TRIM37: variants seen among roughly 807,000 people sequenced by gnomAD.
TRIM37 encodes the protein E3 ubiquitin-protein ligase TRIM37.
A neutral mutation model predicts 129.8 loss-of-function variants in TRIM37; 80 were observed. That is an observed-to-expected ratio of 0.62 (90% CI 0.51 to 0.74). The LOEUF (loss-of-function observed/expected upper bound fraction) is 0.74, where lower values mean the gene tolerates loss of function less well. Ranked by LOEUF, TRIM37 falls within the 30% of genes least tolerant of loss-of-function variation. The probability of loss-of-function intolerance (pLI) is 0.00; values close to 1 mark genes in which losing one functional copy is unlikely to be tolerated. For missense variants in TRIM37, 1,054 were observed against 1,176.5 expected, an observed-to-expected ratio of 0.90 and a Z score of 1.52; for synonymous variants, 389 against 387.1, an observed-to-expected ratio of 1.00 and a Z score of -0.06.
chr17:59,057,072 A>G lies in TRIM37; in HGVS notation c.1020-18T>C, dbSNP rs1406529465. On this transcript the variant is annotated intron_variant, in intron 12 of 23. Coordinates refer to ENST00000262294, the MANE Select transcript of TRIM37 (RefSeq NM_015294.6). ...ATTCATATCTAAAATTGAAAAACAG[A>G]CCATTACTATACAGTTAGTAAAGTA... 1 of 1,609,454 alleles carries G rather than the reference A, an allele frequency of 6.2e-7. No individual in the cohort carries two copies. The highest frequency in any genetic ancestry group is 1.3e-5 in the African/African-American group (1 of 74,974).
intron 22 of TRIM37, among the ~76,000 whole-genome samples, chr17:59,005,293 T>G (rs2034334395): frequency 6.6e-6 from 1 of 151,490 alleles, no homozygotes; most frequent in African/African-American, 2.4e-5. Flanking sequence ...ATGTGTATCT[T>G]TTTTTTTTGA....
chr17:59,056,762 A>G, intron 13 of TRIM37, 113 bp downstream of exon 13: 1 of 467,556 alleles, frequency 2.1e-6, no homozygotes, highest in Non-Finnish European at 4.1e-6. Context: ...ATAAGGTTAT[A>G]GTTAGTATGA....
At chr17:59,057,129 G>C (rs1200999615) in intron 12 of TRIM37, 75 bp from the exon 13 acceptor site, 5 of 1,301,472 alleles carry the variant, frequency 3.8e-6, no homozygotes, top group Non-Finnish European at 5.5e-6. Context: ...TAAACATTAA[G>C]GTCACTAAGT....
In TRIM37 at chr17:59,051,200, A is replaced by T. The variant is rs370807685; in HGVS notation, c.1314+14T>A. The T allele has an allele frequency of 5.7e-5, 87 of 1,517,174 alleles. No homozygotes were observed. In the African/African-American group the frequency reaches 1.1e-3, roughly 18 times the overall value. 94.0% of individuals were successfully genotyped at this position (1,517,174 alleles called of 1,614,324 possible). On this transcript the variant is annotated intron_variant, in intron 14 of 23. Coordinates refer to ENST00000262294, the MANE Select transcript of TRIM37 (RefSeq NM_015294.6). ...CAATAGGAAACACCAAAACAGAAAT[A>T]GATATTTTCTTACCTCTTTAAGGTT...
In TRIM37 at chr17:58,999,532, T is replaced by A. The variant is rs4598970; in HGVS notation, c.2813-73A>T. On this transcript the variant is annotated intron_variant, in intron 23 of 23. Coordinates refer to ENST00000262294, the MANE Select transcript of TRIM37 (RefSeq NM_015294.6). ...CAAGGGCAGTATTTTCCTTCCCAAGTCTTTAAATAATCTTACCAAATGTGT... is the reference window on the plus strand; with the variant it reads ...CAAGGGCAGTATTTTCCTTCCCAAGACTTTAAATAATCTTACCAAATGTGT... The A allele has an allele frequency of 0.37, 462,995 of 1,239,232 alleles. 91,454 individuals are homozygous for A. Among genetic ancestry groups the A allele is most frequent in the Admixed American group, 0.55 (29,598 of 53,534 alleles). 76.8% of individuals were successfully genotyped at this position (1,239,232 alleles called of 1,614,324 possible).
At chr17:58,971,711 A>C in the TRIM37 span, among the ~76,000 whole-genome samples, 1 of 152,224 alleles carries the variant, frequency 6.6e-6, no homozygotes, top group Non-Finnish European at 1.5e-5. Context: ...CTGAACAAAT[A>C]CGATGTCAGT....
intron 3 of TRIM37, among the ~76,000 whole-genome samples, 188 bp from the exon 4 acceptor site, chr17:59,088,595 T>C (rs968042159): frequency 1.3e-4 from 19 of 151,958 alleles, no homozygotes; most frequent in African/African-American, 4.6e-4. Context: ...TGGTTCACTG[T>C]AGCCTTGACC....
chr17:59,101,019 T>C (rs963932175), intron 2 of TRIM37, among the ~76,000 whole-genome samples: 1 of 115,644 alleles, frequency 8.6e-6, no homozygotes, highest in Non-Finnish European at 1.8e-5. Context: ...CAAAACGCCG[T>C]CTCAAAAAAA....
At chr17:59,076,470 G>A (rs907548101) in intron 7 of TRIM37, among the ~76,000 whole-genome samples, 11 of 152,146 alleles carry the variant, frequency 7.2e-5, no homozygotes, top group African/African-American at 1.4e-4. Context: ...CAGCCCAAGC[G>A]GTCAAGGCTG....
chr17:59,003,936 A>T (rs1476127310), intron 22 of TRIM37, among the ~76,000 whole-genome samples: 15 of 151,286 alleles, frequency 9.9e-5, no homozygotes, highest in Non-Finnish European at 1.6e-4. Flanking sequence ...AAAAAAAAAA[A>T]AAAAAAAAAA....
chr17:59,006,373 C>G (rs1249600571), intron 22 of TRIM37, among the ~76,000 whole-genome samples: 4 of 152,186 alleles, frequency 2.6e-5, no homozygotes, highest in African/African-American at 9.7e-5. Flanking sequence ...TATGTATGTG[C>G]TCAGTAAAGC....
At chr17:58,984,526 A>C (rs1337378328) in intron 24 of TRIM37, 3 of 152,564 alleles carry the variant, frequency 2.0e-5, no homozygotes, top group African/African-American at 4.8e-5. Context: ...GGAATACTAC[A>C]GTTTTGTCCA....
intron 12 of TRIM37, 138 bp from the exon 13 acceptor site, chr17:59,057,192 T>C: frequency 3.9e-6 from 3 of 767,620 alleles, no homozygotes; most frequent in Non-Finnish European, 6.2e-6. Flanking sequence ...TCTTTTATCA[T>C]TTATAAAAAC....
chr17:59,016,075 T>C (rs780254944), intron 20 of TRIM37, among the ~76,000 whole-genome samples: 8 of 152,010 alleles, frequency 5.3e-5, no homozygotes, highest in Non-Finnish European at 1.0e-4. Context: ...TCTCACTATA[T>C]ATATCATTTT....
At chr17:58,973,008 G>A in the TRIM37 span, 2 of 861,574 alleles carry the variant, frequency 2.3e-6, no homozygotes, top group Non-Finnish European at 3.7e-6. Context: ...GGGAACCTGA[G>A]ATGATAATTT....
At chr17:59,075,816 G>C (rs2042768650) in intron 7 of TRIM37, 102 bp from the exon 8 acceptor site, 1 of 914,232 alleles carries the variant, frequency 1.1e-6, no homozygotes, top group African/African-American at 1.7e-5. Flanking sequence ...TACACTTCAA[G>C]TAAGCAAAAA....
chr17:59,003,922 TAAAAAA>T (rs60843441), intron 22 of TRIM37, among the ~76,000 whole-genome samples: 5 of 89,580 alleles, frequency 5.6e-5, no homozygotes, highest in East Asian at 3.4e-4. Flanking sequence ...CCCATCTCTA[TAAAAAA>T]AAAAAAAAAA....
chr17:59,082,131 C>T lies in TRIM37; in HGVS notation c.370-912G>A, dbSNP rs189037726. ...CTAAAAAACACAAAAATTAGCTGGG[C>T]GTGGTGGCATGCGCCTGTAATCCCA... On this transcript the variant is annotated intron_variant, in intron 5 of 23. Transcript: ENST00000262294. Among the ~76,000 whole-genome samples, 54 of 151,596 alleles carry T rather than the reference C, an allele frequency of 3.6e-4. 1 individual carries two copies. The South Asian group carries it at 8.2e-3, about 23-fold the overall frequency.
At chr17:59,062,029 TA>T (rs1003998983) in intron 11 of TRIM37, among the ~76,000 whole-genome samples, 218 of 141,312 alleles carry the variant, frequency 1.5e-3, no homozygotes, top group Middle Eastern at 3.7e-3. Context: ...AAAACTTTTC[TA>T]AAAAAAAAAA....
Sources: gnomAD v4.1 joint callset for allele counts (sites outside exome capture counted in the v4.1 genomes callset) on GRCh38, gnomAD v4.1.1 for gene constraint, MANE v1.5 for transcripts, NCBI Gene and HGNC (gene_info 2026-07-23, HGNC 2026-07-21) for gene names.